The following SUN5 variants were observed in gnomAD, a reference collection of about 807,000 sequenced individuals.
SUN5 encodes SUN domain-containing protein 5.
In SUN5, 44 loss-of-function variants were observed where a neutral mutation model predicts 53.7. That is an observed-to-expected ratio of 0.82 (90% CI 0.64 to 1.05). The LOEUF is 1.05. Ranked by LOEUF, SUN5 falls within the 50% of genes least tolerant of loss-of-function variation. The pLI, the probability that SUN5 is intolerant of heterozygous loss-of-function variation, is 0.00. For missense variants in SUN5, 433 were observed against 483.8 expected (o/e 0.90, Z 0.98); for synonymous variants, 166 against 179.8 (o/e 0.92, Z 0.62).
rs1990090192 is a variant in SUN5, at chr20:33,002,877, G to A, written c.120C>T (p.Asp40=). The change falls in exon 2 of 13, where the codon GAC becomes GAT. Residue 40 remains aspartate (D), a synonymous_variant. Transcript: ENST00000356173. ...RGRNTSRMAE[D]TSPNMNDNIL... is the part of the protein sequence containing the mutation. ...CTTGCTCACTCATGTTTGGGGAGGT[G>A]TCCTCTGCCATCCTGCTGGTGTTCC... 1 of 1,614,050 alleles carries A rather than the reference G, an allele frequency of 6.2e-7. No individual in the cohort carries two copies. Among genetic ancestry groups the A allele is most frequent in the African/African-American group, 1.3e-5 (1 of 74,942 alleles).
At chr20:32,990,542 G>A (rs1043249821) in intron 8 of SUN5, among the ~76,000 whole-genome samples, 1 of 152,088 alleles carries the variant, frequency 6.6e-6, no homozygotes, top group Non-Finnish European at 1.5e-5. Context: ...GACATCTAGG[G>A]CTAAGTCCTA....
rs554316199 is a variant in SUN5 at position 32,985,745 on chromosome 20, G to A, written c.888C>T (p.Phe296=). 1.1e-5 allele frequency: 18 copies of A among 1,613,972 alleles called. No individual in the cohort carries two copies. Among genetic ancestry groups the A allele is most frequent in the South Asian group, 8.8e-5 (8 of 91,060 alleles). Residue 296 remains phenylalanine (F), a synonymous_variant, in exon 11 of 13, where the codon TTC becomes TTT. Coordinates refer to ENST00000356173, the MANE Select transcript of SUN5 (RefSeq NM_080675.4). ...GCAGGGGAGTGCTCACATAGATGAC[G>A]AAGTCCTTGGGGGCGGTGTCCAGGC... ...SGSLDTAPKD[F]VIYGMEGSPK...
At chr20:33,001,765 T>A (rs1247574694) in intron 3 of SUN5, among the ~76,000 whole-genome samples, 1 of 142,936 alleles carries the variant, frequency 7.0e-6, no homozygotes, top group Non-Finnish European at 1.5e-5. Flanking sequence ...ACCTCCCAAG[T>A]TCAAGCGATT....
At chr20:32,986,172 T>C (rs6088056) in intron 10 of SUN5, among the ~76,000 whole-genome samples, 58,055 of 152,134 alleles carry the variant, frequency 0.38, 12,265 homozygotes, top group Middle Eastern at 0.51. Context: ...TTCATTCATT[T>C]ACTCACTCAC....
intron 3 of SUN5, 50 bp from the exon 4 acceptor site, chr20:33,001,328 C>T (rs959659464): frequency 2.6e-6 from 4 of 1,550,282 alleles, no homozygotes; most frequent in Non-Finnish European, 3.5e-6. Flanking sequence ...CATCTTTGTC[C>T]CACTACAAGG....
At chr20:33,001,342 T>C (rs1990002695) in intron 3 of SUN5, 64 bp from the exon 4 acceptor site, 2 of 1,538,080 alleles carry the variant, frequency 1.3e-6, no homozygotes, top group Non-Finnish European at 1.8e-6. Context: ...TACAAGGACC[T>C]GCTGACCTTT....
intron 12 of SUN5, 131 bp from the exon 13 acceptor site, chr20:32,984,080 G>T: frequency 8.7e-7 from 1 of 1,148,908 alleles, no homozygotes; most frequent in Non-Finnish European, 1.2e-6. Flanking sequence ...AGGATGGACT[G>T]TCCCAAGGCC....
intron 7 of SUN5, 147 bp from the exon 8 acceptor site, chr20:32,995,874 G>A: frequency 3.0e-6 from 2 of 675,862 alleles, no homozygotes; most frequent in Admixed American, 2.6e-5. Context: ...CATTCATCAG[G>A]TTATTATCTC....
At position 32,997,656 on chromosome 20, in the gene SUN5, C is replaced by T. The variant is rs757677259; in HGVS notation, c.372G>A (p.Ser124=). The change falls in exon 6 of 13, where the codon TCG becomes TCA. Residue 124 remains serine, a synonymous_variant. Transcript: ENST00000356173. ...CACTCACCTGCCAGACTTTCATTTTCGATGGTAAGTGAATAGAAAACATCC... is the reference window on the plus strand; with the variant it reads ...CACTCACCTGCCAGACTTTCATTTTTGATGGTAAGTGAATAGAAAACATCC... The part of the protein sequence containing the change: ...GFWMFSIHLP[S]KMKVWQDDSI... 7 of 1,613,800 alleles carry T rather than the reference C, an allele frequency of 4.3e-6. No individual in the cohort carries two copies. Among genetic ancestry groups the T allele is most frequent in the East Asian group, 2.2e-5 (1 of 44,848 alleles).
At chr20:32,986,250 T>G (rs1323069370) in intron 10 of SUN5, among the ~76,000 whole-genome samples, 1 of 152,202 alleles carries the variant, frequency 6.6e-6, no homozygotes, top group East Asian at 1.9e-4. Flanking sequence ...ACCCCATGAC[T>G]TAGGCATCAT....
At chr20:32,986,841 C>T (rs774170132) in intron 10 of SUN5, among the ~76,000 whole-genome samples, 4 of 152,224 alleles carry the variant, frequency 2.6e-5, no homozygotes, top group Non-Finnish European at 4.4e-5. Context: ...CACCACCCCC[C>T]ACTCCCGGGC....
Position 33,001,283 on chromosome 20 carries a change from A to G in SUN5, c.212-5T>C. On this transcript the variant is annotated splice_polypyrimidine_tract_variant and splice_region_variant and intron_variant, in intron 3 of 12. Coordinates refer to ENST00000356173, the MANE Select transcript of SUN5 (RefSeq NM_080675.4). ...AGGCAAAACAGGTGAACCAGGCTGC[A>G]CGGGAGACAGAAAAGCAGTGACTCA... 1.3e-6 allele frequency: 2 copies of G among 1,570,418 alleles called. No homozygotes were observed. Among genetic ancestry groups the G allele is most frequent in the Non-Finnish European group, 1.7e-6 (2 of 1,155,524 alleles).
chr20:32,989,112 A>T (rs1290287885), intron 9 of SUN5, among the ~76,000 whole-genome samples: 1 of 151,746 alleles, frequency 6.6e-6, no homozygotes, highest in Non-Finnish European at 1.5e-5. Flanking sequence ...TTTTTAGTAG[A>T]GACGGGGTTT....
chr20:32,996,491 G>A (rs962107022), intron 6 of SUN5, 133 bp from the exon 7 acceptor site: 19 of 670,088 alleles, frequency 2.8e-5, no homozygotes, highest in South Asian at 1.6e-4. Flanking sequence ...TCTTCCACCC[G>A]TCTACCCACC....
At chr20:32,987,567 C>G in intron 10 of SUN5, 93 bp downstream of exon 10, 1 of 616,848 alleles carries the variant, frequency 1.6e-6, no homozygotes, top group Non-Finnish European at 2.5e-6. Context: ...ACTCCCTTTG[C>G]TCCCACCCCC....
intron 8 of SUN5, among the ~76,000 whole-genome samples, chr20:32,991,818 G>A (rs1199975891): frequency 6.6e-6 from 1 of 152,136 alleles, no homozygotes; most frequent in South Asian, 2.1e-4. Flanking sequence ...TTGATGGATC[G>A]AAGACATCAC....
intron 3 of SUN5, 150 bp from the exon 4 acceptor site, chr20:33,001,428 G>T: frequency 2.4e-6 from 2 of 824,856 alleles, no homozygotes; most frequent in Non-Finnish European, 3.9e-6. Context: ...ACCAGGCTCT[G>T]CTTATGGGTA....
chr20:32,995,467 A>G, intron 8 of SUN5, 152 bp downstream of exon 8: 1 of 650,012 alleles, frequency 1.5e-6, no homozygotes, highest in Non-Finnish European at 2.7e-6. Flanking sequence ...AGCACTAAAA[A>G]TATACTTCTT....
chr20:32,997,527 G>A (rs2146335155), intron 6 of SUN5, 111 bp downstream of exon 6: 1 of 1,133,928 alleles, frequency 8.8e-7, no homozygotes, highest in Non-Finnish European at 1.3e-6. Context: ...GGTCAAGTCA[G>A]GAACTGATGA....
Sources: allele counts gnomAD v4.1 joint callset (sites outside exome capture counted in the v4.1 genomes callset), GRCh38; gene constraint gnomAD v4.1.1; transcripts MANE v1.5; gene names NCBI Gene and HGNC (gene_info 2026-07-23, HGNC 2026-07-21).